The following CAST variants were observed in gnomAD, a reference collection of about 807,000 sequenced individuals.
CAST encodes MIR583 host.
In CAST, 76 loss-of-function variants were observed where a neutral mutation model predicts 119.6. The observed-to-expected ratio is 0.64, with a 90% CI of 0.53 to 0.77. The LOEUF (loss-of-function observed/expected upper bound fraction) is 0.77. Ranked by LOEUF, CAST falls within the 30% of genes least tolerant of loss-of-function variation. CAST has a pLI of 0.00. For missense variants in CAST, 953 were observed against 946.5 expected, an observed-to-expected ratio of 1.01 and a Z score of -0.09; for synonymous variants, 319 against 331.6, an observed-to-expected ratio of 0.96 and a Z score of 0.41.
the CAST span, among the ~76,000 whole-genome samples, chr5:96,355,364 C>T: frequency 6.6e-6 from 1 of 152,110 alleles, no homozygotes; most frequent in East Asian, 1.9e-4. Flanking sequence ...TGAACTCATC[C>T]TTTTTTATGT....
At chr5:96,393,459 G>C in the CAST span, 1 of 1,521,100 alleles carries the variant, frequency 6.6e-7, no homozygotes, top group East Asian at 2.3e-5. Flanking sequence ...CCTACCACAG[G>C]AACGCTGCCT....
At chr5:96,143,362 T>C in the CAST span, among the ~76,000 whole-genome samples, 1 of 152,246 alleles carries the variant, frequency 6.6e-6, no homozygotes, top group Non-Finnish European at 1.5e-5. Flanking sequence ...GTATGCACTT[T>C]TAATCTATAG....
At chr5:96,326,668 A>C in the CAST span, among the ~76,000 whole-genome samples, 1 of 135,452 alleles carries the variant, frequency 7.4e-6, no homozygotes, top group Non-Finnish European at 1.6e-5. Flanking sequence ...AATGTAAATT[A>C]CTCAAAGGCA....
chr5:96,331,175 A>G, the CAST span, among the ~76,000 whole-genome samples: 2 of 152,230 alleles, frequency 1.3e-5, no homozygotes, highest in South Asian at 4.1e-4. Flanking sequence ...CAGGAGTCCT[A>G]TCACCTTATT....
the CAST span, among the ~76,000 whole-genome samples, chr5:96,153,068 CAATT>C: frequency 1.3e-5 from 2 of 152,180 alleles, no homozygotes; most frequent in East Asian, 3.8e-4. Flanking sequence ...CTTTGGTACT[CAATT>C]AAAAGTACAA....
At chr5:96,019,299 A>C in the CAST span, among the ~76,000 whole-genome samples, 14 of 152,356 alleles carry the variant, frequency 9.2e-5, no homozygotes, top group South Asian at 8.3e-4. Flanking sequence ...ACCCTTATCT[A>C]TTCAATACAT....
the CAST span, among the ~76,000 whole-genome samples, chr5:96,145,807 G>A: frequency 9.2e-5 from 14 of 152,164 alleles, no homozygotes; most frequent in Admixed American, 9.2e-4. Flanking sequence ...TCAACTGGGA[G>A]GTTCTTCTGC....
the CAST span, among the ~76,000 whole-genome samples, chr5:96,449,846 A>G: frequency 1.3e-5 from 2 of 152,152 alleles, no homozygotes; most frequent in Non-Finnish European, 2.9e-5. Flanking sequence ...CACCATCATC[A>G]AGGATTCTCT....
chr5:96,443,200 T>C, the CAST span, among the ~76,000 whole-genome samples: 3 of 152,228 alleles, frequency 2.0e-5, no homozygotes, highest in African/African-American at 7.2e-5. Context: ...TCTGGCCCTC[T>C]CACCAAGAGT....
chr5:96,423,251 CCTAA>C, the CAST span: 1 of 1,512,928 alleles, frequency 6.6e-7, no homozygotes, highest in Non-Finnish European at 9.0e-7. Flanking sequence ...GAAGGAAAGC[CCTAA>C]CTGTGTGTCT....
the CAST span, among the ~76,000 whole-genome samples, chr5:96,286,750 A>G: frequency 6.6e-6 from 1 of 152,182 alleles, no homozygotes; most frequent in Non-Finnish European, 1.5e-5. Flanking sequence ...TGGTCTCAGC[A>G]TGAGGGTATT....
the CAST span, among the ~76,000 whole-genome samples, chr5:96,106,197 A>C: frequency 2.0e-5 from 3 of 151,964 alleles, no homozygotes; most frequent in Admixed American, 1.3e-4. Flanking sequence ...TCCTGGATTC[A>C]TTAATTTTTT....
chr5:96,234,869 CATAAA>C, the CAST span, among the ~76,000 whole-genome samples: 92 of 152,016 alleles, frequency 6.1e-4, 1 homozygote, highest in East Asian at 1.9e-3. Flanking sequence ...GTATAATTTA[CATAAA>C]ATAAATTACA....
At chr5:96,241,977 T>C in the CAST span, among the ~76,000 whole-genome samples, 1 of 140,106 alleles carries the variant, frequency 7.1e-6, no homozygotes, top group Non-Finnish European at 1.5e-5. Flanking sequence ...CTTTGTCAGA[T>C]GAGTAGGTTG....
chr5:96,310,021 G>C, the CAST span, among the ~76,000 whole-genome samples: 9 of 152,126 alleles, frequency 5.9e-5, no homozygotes, highest in Non-Finnish European at 1.3e-4. Flanking sequence ...TAGAGGAAAG[G>C]GTTCCAGTTT....
At chr5:96,641,913 T>C (rs1305588929) in intron 1 of CAST, among the ~76,000 whole-genome samples, 1 of 152,202 alleles carries the variant, frequency 6.6e-6, no homozygotes, top group Admixed American at 6.5e-5. Context: ...CAATCCTAAA[T>C]GCAGTCTGTA....
At chr5:96,477,764 T>C in the CAST span, among the ~76,000 whole-genome samples, 1 of 152,216 alleles carries the variant, frequency 6.6e-6, no homozygotes, top group Non-Finnish European at 1.5e-5. Context: ...AGTGCCGTGT[T>C]GGAACTTATA....
chr5:96,679,031 A>G (rs1269888120), intron 2 of CAST, among the ~76,000 whole-genome samples: 1 of 151,772 alleles, frequency 6.6e-6, no homozygotes, highest in African/African-American at 2.4e-5. Flanking sequence ...ATGAGGTCTT[A>G]CTCTGTCACC....
At chr5:96,227,798 T>A in the CAST span, among the ~76,000 whole-genome samples, 1 of 152,284 alleles carries the variant, frequency 6.6e-6, no homozygotes, top group East Asian at 1.9e-4. Context: ...GGCTCCCTTT[T>A]CCCTCGTGTG....
Sources: gnomAD v4.1 joint callset for allele counts (sites outside exome capture counted in the v4.1 genomes callset) on GRCh38, gnomAD v4.1.1 for gene constraint, MANE v1.5 for transcripts, NCBI Gene and HGNC (gene_info 2026-07-23, HGNC 2026-07-21) for gene names.